KIN: variants seen among roughly 807,000 people sequenced by gnomAD.
The protein encoded by KIN is Kin17 DNA and RNA binding protein, also known as DNA/RNA-binding protein KIN17.
KIN carries 47 observed loss-of-function variants against 63.0 expected under a neutral mutation model. The observed-to-expected ratio is 0.75, with a 90% CI of 0.59 to 0.95. The LOEUF (loss-of-function observed/expected upper bound fraction) is 0.95. KIN is among the 40% of genes least tolerant of loss of function. KIN has a pLI of 0.00. For missense variants in KIN, 408 were observed against 460.9 expected (o/e 0.89, Z 1.05); for synonymous variants, 160 against 157.7 (o/e 1.01, Z -0.11).
At chr10:7,782,365 C>G (rs1835914725) in intron 2 of KIN, among the ~76,000 whole-genome samples, 1 of 151,280 alleles carries the variant, frequency 6.6e-6, no homozygotes, top group Non-Finnish European at 1.5e-5. Flanking sequence ...TATGAAGGAT[C>G]AGCAATACTT....
chr10:7,786,609 A>T (rs1453840964), intron 1 of KIN, among the ~76,000 whole-genome samples: 1 of 152,040 alleles, frequency 6.6e-6, no homozygotes, highest in Non-Finnish European at 1.5e-5. Flanking sequence ...CAAAAAAAAA[A>T]AGAGGAAGAG....
chr10:7,758,226 C>T (rs116757753), intron 12 of KIN, among the ~76,000 whole-genome samples: 2,137 of 152,114 alleles, frequency 0.014, 51 homozygotes, highest in African/African-American at 0.049. Context: ...TTTGCCACCG[C>T]GCCCAGCTAA....
Position 7,783,075 on chromosome 10 carries a change from A to G in KIN, c.209+6T>C, listed in dbSNP as rs765706677. ...TATAAGATAAAGAGTTCTTTGAGTTACTTACTCTGAAAAATAATCCATAAA... is the reference window on the plus strand; with the variant it reads ...TATAAGATAAAGAGTTCTTTGAGTTGCTTACTCTGAAAAATAATCCATAAA... On this transcript the variant is annotated splice_donor_region_variant and intron_variant, in intron 2 of 12. Coordinates refer to ENST00000379562, the MANE Select transcript of KIN (RefSeq NM_012311.4). 4.0e-6 allele frequency: 6 copies of G among 1,509,866 alleles called. No homozygotes were observed. In the Admixed American group the frequency reaches 9.0e-5, roughly 23 times the overall value. 93.5% of individuals were successfully genotyped at this position (1,509,866 alleles called of 1,614,324 possible). A position where few individuals can be genotyped will look rare whatever the true frequency, so the allele number is the denominator to read the frequency against.
At chr10:7,781,774 A>G (rs1039377433) in intron 2 of KIN, among the ~76,000 whole-genome samples, 2 of 149,950 alleles carry the variant, frequency 1.3e-5, no homozygotes, top group Non-Finnish European at 3.0e-5. Context: ...AAAAAAAAAA[A>G]TGCCTGGCAT....
intron 5 of KIN, 114 bp from the exon 6 acceptor site, chr10:7,775,913 G>A: frequency 1.7e-6 from 1 of 578,118 alleles, no homozygotes; most frequent in Non-Finnish European, 3.1e-6. Flanking sequence ...ATACGCAAGT[G>A]ATTAAGATCC....
rs537183117 is a variant in KIN at position 7,769,317 on chromosome 10, T to C, written c.697A>G (p.Ile233Val). 1.2e-6 allele frequency: 2 copies of C among 1,614,002 alleles called. No homozygotes were observed. The highest frequency in any genetic ancestry group is 1.7e-5 in the Admixed American group (1 of 60,014). ...STLGPSALKT[I>V]GSSASVKRKE... ...CGTTTCACTGATGCTGAACTTCCTA[T>C]CGTCTTCAGTGCACTCGGTCCCAGA... Residue 233 changes from isoleucine (I) to valine (V), a missense_variant, in exon 8 of 13, where the codon ATA becomes GTA. By Grantham distance (29) the Ile-to-Val change is conservative. This residue lies in a region of KIN where 298 missense variants were observed against 296.0 expected (regional missense o/e 1.01). Transcript: ENST00000379562.
At position 7,774,986 on chromosome 10, in the gene KIN, C is replaced by T. The variant is rs1030895934; in HGVS notation, c.608-95G>A. 15 of 880,674 alleles carry T rather than the reference C, an allele frequency of 1.7e-5. No individual in the cohort carries two copies. The African/African-American group carries it at 2.3e-4, about 14-fold the overall frequency. The allele number at this position is 880,674 out of a possible 1,614,324, so 54.6% of individuals were successfully genotyped here. ...ACTACAAAGTGTTCACAGAGGAACT[C>T]CAGGACATTTTCAATAAACGAGAGC... On this transcript the variant is annotated intron_variant, in intron 6 of 12. Coordinates refer to ENST00000379562, the MANE Select transcript of KIN (RefSeq NM_012311.4).
At chr10:7,763,556 A>G (rs1835479934) in intron 10 of KIN, among the ~76,000 whole-genome samples, 167 bp downstream of exon 10, 1 of 152,206 alleles carries the variant, frequency 6.6e-6, no homozygotes, top group Non-Finnish European at 1.5e-5. Flanking sequence ...TGAAAAAGAA[A>G]TATTTCTCCA....
chr10:7,768,155 A>AT (rs1356291577), intron 8 of KIN, among the ~76,000 whole-genome samples: 1 of 152,154 alleles, frequency 6.6e-6, no homozygotes, highest in African/African-American at 2.4e-5. Context: ...TATGGCCCTA[A>AT]ATATGGATAA....
intron 5 of KIN, among the ~76,000 whole-genome samples, chr10:7,777,708 G>A (rs746443314): frequency 6.6e-6 from 1 of 152,060 alleles, no homozygotes; most frequent in Non-Finnish European, 1.5e-5. Context: ...GATCAACCTG[G>A]CCAACATGGT....
intron 1 of KIN, among the ~76,000 whole-genome samples, chr10:7,784,097 T>C (rs895929896): frequency 1.3e-5 from 2 of 152,198 alleles, no homozygotes; most frequent in African/African-American, 4.8e-5. Flanking sequence ...AAATAAACAG[T>C]ATCACTTTCC....
At position 7,754,835 on chromosome 10, in the gene KIN, T is replaced by G. The variant is rs1204503357; in HGVS notation, c.*1245A>C. The G allele has an allele frequency of 6.6e-6, 1 of 152,192 alleles. No individual in the cohort carries two copies. The highest frequency in any genetic ancestry group is 1.5e-5 in the Non-Finnish European group (1 of 68,104). The allele number at this position is 152,192 out of a possible 1,614,324, so 9.4% of individuals were successfully genotyped here. On this transcript the variant is annotated 3_prime_UTR_variant, in exon 13 of 13. Transcript: ENST00000379562. ...AGCTAGCGTCTGCTCCTTTCAGTCATGTGCACTACAAATATCCCTTCGTTT... is the reference window on the plus strand; with the variant it reads ...AGCTAGCGTCTGCTCCTTTCAGTCAGGTGCACTACAAATATCCCTTCGTTT...
At chr10:7,785,519 G>A (rs531796095) in intron 1 of KIN, among the ~76,000 whole-genome samples, 13 of 151,754 alleles carry the variant, frequency 8.6e-5, no homozygotes, top group South Asian at 4.2e-4. Context: ...ACGGCTGGGC[G>A]CAGTGGTTCA....
chr10:7,786,109 G>A lies in KIN; in HGVS notation c.114+1711C>T, dbSNP rs1045237820. 5.9e-5 allele frequency among the ~76,000 whole-genome samples: 9 copies of A among 152,150 alleles called. No individual in the cohort carries two copies. In the South Asian group the frequency reaches 6.2e-4, roughly 11 times the overall value. On this transcript the variant is annotated intron_variant, in intron 1 of 12. Transcript: ENST00000379562. ...TCCATGGTAACAAATATAACACCTC[G>A]TTGCAGGATGTTGATGATGAGGGAG...
chr10:7,769,682 G>C (rs551497729), intron 7 of KIN, among the ~76,000 whole-genome samples: 2 of 151,394 alleles, frequency 1.3e-5, no homozygotes, highest in Non-Finnish European at 2.9e-5. Flanking sequence ...TTGGTGTTGA[G>C]CAGATCAGGG....
Position 7,775,792 on chromosome 10 carries a change from G to T in KIN, c.566C>A (p.Pro189His). The change falls in exon 6 of 13, where the codon CCT becomes CAT. Residue 189 changes from proline (P) to histidine (H), a missense_variant. Transcript: ENST00000379562. ...RGLEGKEQEVPTFTELSREND... is the reference protein window; with the variant it reads ...RGLEGKEQEVHTFTELSREND... The stretch of plus-strand genomic sequence containing the variant: ...TTCTCTGCTTAATTCCGTAAAAGTA[G>T]GGACCTCCTAAAAAAAAGAAAGTTT... 1 of 1,549,114 alleles carries T rather than the reference G, an allele frequency of 6.5e-7. No homozygotes were observed. The highest frequency in any genetic ancestry group is 8.8e-7 in the Non-Finnish European group (1 of 1,141,848).
chr10:7,775,652 G>A (rs548545766), intron 6 of KIN, 99 bp downstream of exon 6: 52 of 582,114 alleles, frequency 8.9e-5, no homozygotes, highest in African/African-American at 7.4e-4. Context: ...AGACACATTC[G>A]ATGTCTTATT....
Position 7,787,890 on chromosome 10 carries a change from C to T in KIN, c.44G>A (p.Arg15Lys), listed in dbSNP as rs1218264652. ...DFLTPKAIAN[R>K]IKSKGLQKLR... Reference sequence around the variant, plus strand: ...CTTCTGCAGCCCCTTGGACTTGATCCTGTTGGCGATAGCCTTGGGAGTAAG... The same window carrying T: ...CTTCTGCAGCCCCTTGGACTTGATCTTGTTGGCGATAGCCTTGGGAGTAAG... Residue 15 changes from arginine (R) to lysine (K), a missense_variant, in exon 1 of 13, where the codon AGG (arginine) becomes AAG (lysine). This residue lies in a region of KIN where 110 missense variants were observed against 164.9 expected (regional missense o/e 0.67). Coordinates refer to ENST00000379562, the MANE Select transcript of KIN (RefSeq NM_012311.4). The T allele has an allele frequency of 8.7e-6, 14 of 1,614,234 alleles. No individual in the cohort carries two copies. The highest frequency in any genetic ancestry group is 1.1e-5 in the South Asian group (1 of 91,088).
At chr10:7,765,602 T>C (rs1320279130) in intron 9 of KIN, among the ~76,000 whole-genome samples, 1 of 152,168 alleles carries the variant, frequency 6.6e-6, no homozygotes, top group Non-Finnish European at 1.5e-5. Flanking sequence ...AGCAATAAAA[T>C]ATAAAACTCC....
Sources: allele counts gnomAD v4.1 joint callset (sites outside exome capture counted in the v4.1 genomes callset), GRCh38; gene constraint gnomAD v4.1.1; regional missense constraint gnomAD v4.1.1; transcripts MANE v1.5; gene names NCBI Gene and HGNC (gene_info 2026-07-23, HGNC 2026-07-21).